AUTS2: variants seen among roughly 807,000 people sequenced by gnomAD.
AUTS2 encodes autism susceptibility gene 2 protein.
Under a neutral mutation model 112.4 loss-of-function variants are expected in AUTS2, and 17 were observed. The ratio of observed to expected loss-of-function variants is 0.15; its 90% CI spans 0.10 to 0.23. AUTS2 has a LOEUF of 0.23. Among genes scored for constraint, AUTS2 ranks in the 10% least tolerant of loss-of-function variants. The pLI, the probability that AUTS2 is intolerant of heterozygous loss-of-function variation, is 1.00. For missense variants in AUTS2, 1,510 were observed against 1,701.6 expected, an observed-to-expected ratio of 0.89 and a Z score of 1.98; for synonymous variants, 751 against 702.7, an observed-to-expected ratio of 1.07 and a Z score of -1.09.
At chr7:70,406,513 C>A (rs560620289) in intron 4 of AUTS2, among the ~76,000 whole-genome samples, 1 of 152,266 alleles carries the variant, frequency 6.6e-6, no homozygotes, top group African/African-American at 2.4e-5. Context: ...TGGGCCCCGC[C>A]GGTTACATCT....
Position 70,627,511 on chromosome 7 carries a change from A to T in AUTS2, c.691-71058A>T, listed in dbSNP as rs552744060. Among the ~76,000 whole-genome samples, 35 of 152,332 alleles carry T rather than the reference A, an allele frequency of 2.3e-4. 1 individual carries two copies. The South Asian group carries it at 7.0e-3, about 31-fold the overall frequency. On this transcript the variant is annotated intron_variant, in intron 5 of 18. Transcript: ENST00000342771. ...TCAGATGTTTTTAATGTGCAAACAT[A>T]GTTGAGAACTACTAACCCAGTCTTC...
At chr7:70,153,043 A>G (rs150069912) in intron 4 of AUTS2, among the ~76,000 whole-genome samples, 67 of 152,328 alleles carry the variant, frequency 4.4e-4, no homozygotes, top group African/African-American at 1.4e-3. Context: ...TGTATGTACA[A>G]TATATTCTAG....
intron 4 of AUTS2, among the ~76,000 whole-genome samples, chr7:70,426,564 G>A (rs958799714): frequency 3.3e-5 from 5 of 152,122 alleles, no homozygotes; most frequent in East Asian, 3.8e-4. Context: ...CTGTGAAACC[G>A]ACAGGCACAG....
At chr7:69,718,647 C>T (rs903130866) in intron 1 of AUTS2, among the ~76,000 whole-genome samples, 1 of 152,152 alleles carries the variant, frequency 6.6e-6, no homozygotes, top group Non-Finnish European at 1.5e-5. Flanking sequence ...TGCTGGTTAG[C>T]ATCCTTAATT....
At chr7:70,541,518 T>C (rs1005630718) in intron 5 of AUTS2, among the ~76,000 whole-genome samples, 2 of 152,252 alleles carry the variant, frequency 1.3e-5, no homozygotes, top group Admixed American at 6.5e-5. Context: ...AAGGAACATA[T>C]TCATTTCTTT....
chr7:70,004,986 G>A (rs1799480775), intron 2 of AUTS2, among the ~76,000 whole-genome samples: 1 of 151,714 alleles, frequency 6.6e-6, no homozygotes, highest in Non-Finnish European at 1.5e-5. Context: ...CACCATGCCT[G>A]GCTAATTTTT....
chr7:69,987,574 C>T (rs1798564601), intron 2 of AUTS2, among the ~76,000 whole-genome samples: 1 of 152,112 alleles, frequency 6.6e-6, no homozygotes, highest in Non-Finnish European at 1.5e-5. Context: ...CTCAAGGGTC[C>T]TCCTGCCTCA....
intron 5 of AUTS2, among the ~76,000 whole-genome samples, chr7:70,608,547 C>A (rs1307269336): frequency 6.6e-6 from 1 of 152,146 alleles, no homozygotes; most frequent in Non-Finnish European, 1.5e-5. Context: ...TTGCTATTTT[C>A]TTATTGGGAT....
At chr7:70,111,298 GTTC>G (rs1805076820) in intron 2 of AUTS2, among the ~76,000 whole-genome samples, 1 of 152,172 alleles carries the variant, frequency 6.6e-6, no homozygotes, top group Non-Finnish European at 1.5e-5. Context: ...ATGAAAGGAA[GTTC>G]TTCTGTAAGC....
chr7:69,823,941 T>C (rs930733017), intron 1 of AUTS2, among the ~76,000 whole-genome samples: 9 of 152,128 alleles, frequency 5.9e-5, no homozygotes, highest in Admixed American at 5.9e-4. Context: ...GACTTGAAAC[T>C]CTAGAGGTAT....
intron 6 of AUTS2, among the ~76,000 whole-genome samples, chr7:70,728,695 G>A (rs866129374): frequency 7.1e-4 from 92 of 128,870 alleles, no homozygotes; most frequent in Middle Eastern, 5.2e-3. Context: ...GAGACAGAGC[G>A]AGACTCTGTC....
chr7:70,553,567 GA>G (rs1377997688), intron 5 of AUTS2, among the ~76,000 whole-genome samples: 1 of 152,158 alleles, frequency 6.6e-6, no homozygotes, highest in Non-Finnish European at 1.5e-5. Flanking sequence ...AGGCAATACA[GA>G]AAACTGTCTA....
At chr7:70,593,710 C>T (rs372670836) in intron 5 of AUTS2, among the ~76,000 whole-genome samples, 3 of 152,354 alleles carry the variant, frequency 2.0e-5, no homozygotes, top group Admixed American at 2.0e-4. Flanking sequence ...ATCAGGAAAG[C>T]GAGGAACTAT....
intron 4 of AUTS2, among the ~76,000 whole-genome samples, chr7:70,286,167 C>G (rs564257485): frequency 2.0e-5 from 3 of 152,130 alleles, no homozygotes; most frequent in East Asian, 1.9e-4. Flanking sequence ...AGAAAGCAGG[C>G]CTTCAGAGAG....
chr7:70,772,873 T>C (rs1379778297), intron 11 of AUTS2, among the ~76,000 whole-genome samples: 3 of 152,258 alleles, frequency 2.0e-5, no homozygotes, highest in Non-Finnish European at 4.4e-5. Flanking sequence ...GACCCTGGTC[T>C]GTCCCCTCTA....
intron 5 of AUTS2, among the ~76,000 whole-genome samples, chr7:70,470,724 G>T (rs547504332): frequency 6.6e-6 from 1 of 152,274 alleles, no homozygotes; most frequent in East Asian, 1.9e-4. Flanking sequence ...AAGAGGCAGA[G>T]AAGTAGAAGC....
intron 5 of AUTS2, among the ~76,000 whole-genome samples, chr7:70,679,046 C>A (rs1452296104): frequency 1.3e-5 from 2 of 152,070 alleles, no homozygotes; most frequent in South Asian, 4.2e-4. Flanking sequence ...AATAAATAGA[C>A]CCTGCATGGT....
chr7:69,769,598 A>G (rs1442344495), intron 1 of AUTS2, among the ~76,000 whole-genome samples: 2 of 152,194 alleles, frequency 1.3e-5, no homozygotes, highest in East Asian at 3.8e-4. Flanking sequence ...TTGCATTTAT[A>G]TCTCCCTCCC....
intron 4 of AUTS2, among the ~76,000 whole-genome samples, chr7:70,316,493 T>C (rs1030399299): frequency 6.8e-6 from 1 of 147,384 alleles, no homozygotes; most frequent in African/African-American, 2.5e-5. Flanking sequence ...AACACCCACC[T>C]TCCAGATTCA....
Sources: allele counts gnomAD v4.1 joint callset (sites outside exome capture counted in the v4.1 genomes callset), GRCh38; gene constraint gnomAD v4.1.1; transcripts MANE v1.5; gene names NCBI Gene and HGNC (gene_info 2026-07-23, HGNC 2026-07-21).